The following PRMT7 variants were observed in gnomAD, a reference collection of about 807,000 sequenced individuals.
PRMT7 encodes protein arginine methyltransferase 7, also known as protein arginine N-methyltransferase 7.
A neutral mutation model predicts 85.4 loss-of-function variants in PRMT7; 75 were observed. That is an observed-to-expected ratio of 0.88 (90% confidence interval 0.73 to 1.06). The LOEUF (loss-of-function observed/expected upper bound fraction) is 1.06. PRMT7 is among the 50% of genes least tolerant of loss of function. The pLI is 0.00. For synonymous variants in PRMT7, 397 were observed against 359.5 expected (o/e 1.10, Z -1.18); for missense variants, 868 against 915.2 (o/e 0.95, Z 0.67).
At chr16:68,338,426 G>T (rs1248137818) in intron 7 of PRMT7, among the ~76,000 whole-genome samples, 1 of 151,900 alleles carries the variant, frequency 6.6e-6, no homozygotes, top group African/African-American at 2.4e-5. Context: ...TTTACACAGA[G>T]TTTGAGCTCT....
chr16:68,340,650 A>G (rs1303087862), intron 9 of PRMT7, among the ~76,000 whole-genome samples: 1 of 152,216 alleles, frequency 6.6e-6, no homozygotes, highest in Non-Finnish European at 1.5e-5. Flanking sequence ...ACTAGTGAAT[A>G]AAGTTTAAAC....
At chr16:68,349,748 A>G (rs2086993502) in intron 14 of PRMT7, among the ~76,000 whole-genome samples, 1 of 152,006 alleles carries the variant, frequency 6.6e-6, no homozygotes, top group Non-Finnish European at 1.5e-5. Context: ...AAAAAAATTA[A>G]CCGAGTGTGG....
chr16:68,347,600 C>T, intron 12 of PRMT7, 31 bp from the exon 13 acceptor site: 1 of 1,603,020 alleles, frequency 6.2e-7, no homozygotes, highest in Non-Finnish European at 8.5e-7. Flanking sequence ...AAGTGAATAT[C>T]TTACAACTAA....
intron 16 of PRMT7, chr16:68,354,854 C>T (rs2088061313): frequency 6.6e-6 from 1 of 152,522 alleles, no homozygotes; most frequent in Middle Eastern, 3.2e-3. Context: ...TTTCCAAATC[C>T]ACCTGCCCTT....
intron 5 of PRMT7, among the ~76,000 whole-genome samples, chr16:68,328,853 A>G (rs777812076): frequency 5.9e-5 from 9 of 152,140 alleles, no homozygotes; most frequent in Non-Finnish European, 1.2e-4. Context: ...GATCCCCGGC[A>G]TCCCCGCTGT....
chr16:68,324,575 G>A (rs1214493775), intron 4 of PRMT7, 108 bp from the exon 5 acceptor site: 2 of 1,369,166 alleles, frequency 1.5e-6, no homozygotes, highest in South Asian at 1.3e-5. Flanking sequence ...AAAGGCCATA[G>A]GGCCCTGACT....
At chr16:68,355,965 C>T in intron 17 of PRMT7, 82 bp downstream of exon 17, 2 of 1,370,026 alleles carry the variant, frequency 1.5e-6, no homozygotes, top group Non-Finnish European at 1.9e-6. Context: ...GCACAGCTGG[C>T]CTGGGAGACG....
chr16:68,311,139 G>C, intron 1 of PRMT7, 40 bp downstream of exon 1: 1 of 664,964 alleles, frequency 1.5e-6, no homozygotes, highest in Non-Finnish European at 2.7e-6. Context: ...GGTCGCTTTG[G>C]GGTTCTGTGT....
At chr16:68,344,933 T>TACACACACACACACAC (rs368385265) in intron 9 of PRMT7, among the ~76,000 whole-genome samples, 14 of 131,130 alleles carry the variant, frequency 1.1e-4, no homozygotes, top group African/African-American at 3.0e-4. Flanking sequence ...CCTGCATCTC[T>TACACACACACACACAC]ACACACACAC....
chr16:68,344,881 C>T (rs1043879529), intron 9 of PRMT7, among the ~76,000 whole-genome samples: 5 of 142,924 alleles, frequency 3.5e-5, no homozygotes, highest in Non-Finnish European at 7.5e-5. Flanking sequence ...CAGTTGTTAA[C>T]GTTTGCCACA....
chr16:68,313,530 C>T (rs2044253759), intron 2 of PRMT7, among the ~76,000 whole-genome samples: 1 of 152,202 alleles, frequency 6.6e-6, no homozygotes. Flanking sequence ...TCTCCGTCCA[C>T]AACCCCCTCC....
At chr16:68,359,415 A>G (rs2089097778), downstream of PRMT7, 1 of 152,596 alleles carries the variant, frequency 6.6e-6, no homozygotes. Context: ...GGGCCCGGGC[A>G]GACGGTGCTT....
At chr16:68,323,270 G>C (rs1009014588) in intron 4 of PRMT7, among the ~76,000 whole-genome samples, 1 of 140,832 alleles carries the variant, frequency 7.1e-6, no homozygotes, top group Non-Finnish European at 1.5e-5. Flanking sequence ...CCAGGCTTTA[G>C]TGCAGTGGTG....
At chr16:68,329,040 C>G (rs778013949) in intron 5 of PRMT7, 26 bp from the exon 6 acceptor site, 2 of 1,506,696 alleles carry the variant, frequency 1.3e-6, no homozygotes, top group Non-Finnish European at 1.8e-6. Context: ...GCTCATTTTT[C>G]CTTGGGTTTC....
chr16:68,350,285 T>G (rs1597460142), intron 14 of PRMT7, among the ~76,000 whole-genome samples: 1 of 152,336 alleles, frequency 6.6e-6, no homozygotes, highest in Middle Eastern at 3.4e-3. Context: ...TGCAGATGCC[T>G]TGGTGTGGAT....
intron 5 of PRMT7, chr16:68,328,133 T>G: frequency 3.1e-6 from 1 of 325,544 alleles, no homozygotes; most frequent in Non-Finnish European, 6.7e-6. Context: ...GCAGCTCCAC[T>G]GTGAATGCTA....
chr16:68,353,494 C>T lies in PRMT7; in HGVS notation c.1578C>T (p.Asp526=), dbSNP rs761723324. The change falls in exon 16 of 19, where the codon GAC becomes GAT. Residue 526 remains aspartate, a splice_region_variant and synonymous_variant. Transcript: ENST00000441236. ...ACGGGGCTGCTCCTTCCTCACAGGA[C>T]CTGTGGCGGATCCGGAGCCCCTGTG... The part of the protein sequence containing the change: ...SLHAVVVEFR[D]LWRIRSPCGD... 3.1e-6 allele frequency: 5 copies of T among 1,609,966 alleles called. No homozygotes were observed. Among genetic ancestry groups the T allele is most frequent in the Admixed American group, 3.4e-5 (2 of 59,406 alleles).
In PRMT7 at chr16:68,315,989, T is replaced by C. The variant is rs1213552693; in HGVS notation, c.10T>C (p.Phe4Leu). ...GGAGCTAGTGGGCACCATGAAGATC[T>C]TCTGCAGTCGGGCCAATCCGACCAC... MKI[F>L]CSRANPTTGS... Residue 4 changes from phenylalanine to leucine, a missense_variant, in exon 3 of 19, where the codon TTC becomes CTC. By Grantham distance (22) the Phe-to-Leu change is conservative (BLOSUM62 0). Transcript: ENST00000441236. 1 of 1,613,592 alleles carries C rather than the reference T, an allele frequency of 6.2e-7. No individual in the cohort carries two copies. The highest frequency in any genetic ancestry group is 8.5e-7 in the Non-Finnish European group (1 of 1,179,884).
chr16:68,348,240 C>G (rs148006732), intron 13 of PRMT7, 102 bp from the exon 14 acceptor site: 7 of 993,210 alleles, frequency 7.0e-6, no homozygotes, highest in African/African-American at 1.6e-5. Flanking sequence ...AACCATTTGC[C>G]GGAAAATTCA....
Sources: gnomAD v4.1 joint callset for allele counts (sites outside exome capture counted in the v4.1 genomes callset) on GRCh38, gnomAD v4.1.1 for gene constraint, MANE v1.5 for transcripts, NCBI Gene and HGNC (gene_info 2026-07-23, HGNC 2026-07-21) for gene names.